Variants in NR3C2 observed in about 807,000 individuals in gnomAD.
NR3C2 encodes the protein mineralocorticoid receptor.
Under a neutral mutation model 86.4 loss-of-function variants are expected in NR3C2, and 15 were observed. That is an observed-to-expected ratio of 0.17 (90% CI 0.12 to 0.27). NR3C2 has a LOEUF of 0.27. NR3C2 is among the 10% of genes least tolerant of loss of function. The pLI, the probability that NR3C2 is intolerant of heterozygous loss-of-function variation, is 1.00. For missense variants in NR3C2, 960 were observed against 1,195.6 expected (o/e 0.80, Z 2.91); for synonymous variants, 458 against 450.5 (o/e 1.02, Z -0.21).
chr4:148,324,199 A>T (rs1221668509), intron 2 of NR3C2, among the ~76,000 whole-genome samples: 4 of 152,230 alleles, frequency 2.6e-5, no homozygotes, highest in Non-Finnish European at 5.9e-5. Context: ...TAGATTCCAT[A>T]TATAAATAAG....
At chr4:148,129,878 G>A (rs138124981) in intron 6 of NR3C2, among the ~76,000 whole-genome samples, 1 of 152,282 alleles carries the variant, frequency 6.6e-6, no homozygotes, top group African/African-American at 2.4e-5. Flanking sequence ...GATTACAAGT[G>A]TAAGCCACCG....
intron 2 of NR3C2, among the ~76,000 whole-genome samples, chr4:148,309,857 A>C (rs947716747): frequency 1.3e-5 from 2 of 152,200 alleles, no homozygotes; most frequent in Non-Finnish European, 2.9e-5. Flanking sequence ...AGTAACTATA[A>C]ATTTCATAGA....
intron 2 of NR3C2, among the ~76,000 whole-genome samples, chr4:148,407,201 G>A (rs551628764): frequency 6.6e-6 from 1 of 152,220 alleles, no homozygotes; most frequent in South Asian, 2.1e-4. Context: ...CCCAAGCAGT[G>A]TAATTTCAAT....
chr4:148,302,646 C>G (rs893840947), intron 2 of NR3C2, among the ~76,000 whole-genome samples: 1 of 151,960 alleles, frequency 6.6e-6, no homozygotes. Context: ...TGATAAAAAT[C>G]CCCTTGGTAA....
chr4:148,264,954 T>C (rs955656283), intron 2 of NR3C2, among the ~76,000 whole-genome samples: 3 of 152,208 alleles, frequency 2.0e-5, no homozygotes, highest in African/African-American at 7.2e-5. Flanking sequence ...ATGTAAGCAA[T>C]AGATGGTATT....
chr4:148,306,251 T>G (rs1330163625), intron 2 of NR3C2, among the ~76,000 whole-genome samples: 25 of 152,198 alleles, frequency 1.6e-4, no homozygotes. Flanking sequence ...ATGTACCCCT[T>G]TTTTGAAACT....
At chr4:148,131,123 C>T (rs892810890) in intron 6 of NR3C2, among the ~76,000 whole-genome samples, 19 of 152,118 alleles carry the variant, frequency 1.2e-4, no homozygotes, top group African/African-American at 1.7e-4. Flanking sequence ...TGAGTCATCG[C>T]GCCCAGCCAA....
intron 4 of NR3C2, among the ~76,000 whole-genome samples, chr4:148,187,106 A>G (rs4835495): frequency 0.7 from 103,013 of 146,142 alleles, 36,646 homozygotes; most frequent in African/African-American, 0.8. Flanking sequence ...TTCTTTATCC[A>G]CTTGTTGATT....
chr4:148,363,255 C>A (rs1021459908), intron 2 of NR3C2, among the ~76,000 whole-genome samples: 5 of 152,132 alleles, frequency 3.3e-5, no homozygotes, highest in Non-Finnish European at 7.4e-5. Flanking sequence ...TTTTAGTGAT[C>A]TCTTCAGGGC....
At chr4:148,347,842 T>C (rs1290157165) in intron 2 of NR3C2, among the ~76,000 whole-genome samples, 1 of 146,700 alleles carries the variant, frequency 6.8e-6, no homozygotes, top group Admixed American at 6.7e-5. Context: ...CGGTGGTTTA[T>C]ATGGCTTACA....
chr4:148,260,670 T>G (rs1023110840), intron 2 of NR3C2, among the ~76,000 whole-genome samples: 5 of 152,222 alleles, frequency 3.3e-5, no homozygotes, highest in African/African-American at 1.2e-4. Flanking sequence ...TTATCTTATA[T>G]AGATGTGTTC....
intron 2 of NR3C2, among the ~76,000 whole-genome samples, chr4:148,367,293 A>G (rs1413636666): frequency 2.6e-5 from 4 of 152,188 alleles, no homozygotes; most frequent in Non-Finnish European, 2.9e-5. Flanking sequence ...CAATATAGCA[A>G]CCCAAATATT....
At chr4:148,205,026 GGGA>G (rs940935226) in intron 3 of NR3C2, among the ~76,000 whole-genome samples, 28 of 152,308 alleles carry the variant, frequency 1.8e-4, no homozygotes, top group African/African-American at 5.3e-4. Context: ...ATAGAGAGAA[GGGA>G]CTGTTGTTCA....
chr4:148,150,721 G>A (rs1335596048), intron 6 of NR3C2, among the ~76,000 whole-genome samples: 1 of 152,142 alleles, frequency 6.6e-6, no homozygotes, highest in East Asian at 1.9e-4. Context: ...AATATCCTGT[G>A]AGTATTGACT....
At chr4:148,235,856 A>G (rs946809835) in intron 3 of NR3C2, among the ~76,000 whole-genome samples, 10 of 152,230 alleles carry the variant, frequency 6.6e-5, no homozygotes, top group Non-Finnish European at 1.0e-4. Flanking sequence ...TAATTCTAAA[A>G]CAAAAAAATT....
intron 3 of NR3C2, among the ~76,000 whole-genome samples, chr4:148,229,835 T>A (rs1738369970): frequency 6.6e-6 from 1 of 152,234 alleles, no homozygotes; most frequent in Non-Finnish European, 1.5e-5. Flanking sequence ...TTGTAGCCTA[T>A]GTATCACTCA....
At chr4:148,360,913 T>C (rs1383769986) in intron 2 of NR3C2, among the ~76,000 whole-genome samples, 2 of 152,170 alleles carry the variant, frequency 1.3e-5, no homozygotes, top group Non-Finnish European at 2.9e-5. Context: ...GGTTCCACGA[T>C]AATAAAGTGT....
intron 3 of NR3C2, among the ~76,000 whole-genome samples, chr4:148,244,569 G>C (rs1332195786): frequency 6.6e-6 from 1 of 152,178 alleles, no homozygotes; most frequent in East Asian, 1.9e-4. Context: ...CATAAGGAAA[G>C]GGAGATGAGT....
chr4:148,369,409 T>G (rs1303606341), intron 2 of NR3C2, among the ~76,000 whole-genome samples: 1 of 152,182 alleles, frequency 6.6e-6, no homozygotes, highest in East Asian at 1.9e-4. Flanking sequence ...CCAACGTGCT[T>G]TATGATGATA....
Sources: allele counts gnomAD v4.1 joint callset (sites outside exome capture counted in the v4.1 genomes callset), GRCh38; gene constraint gnomAD v4.1.1; transcripts MANE v1.5; gene names NCBI Gene and HGNC (gene_info 2026-07-23, HGNC 2026-07-21).